The following CLASP1 variants were observed in gnomAD, a reference collection of about 807,000 sequenced individuals.
CLASP1 encodes the protein CLIP-associating protein 1.
In CLASP1, 38 loss-of-function variants were observed where a neutral mutation model predicts 192.3. The ratio of observed to expected loss-of-function variants is 0.20; its 90% CI spans 0.15 to 0.26. The LOEUF (loss-of-function observed/expected upper bound fraction) is 0.26. Among genes scored for constraint, CLASP1 ranks in the 10% least tolerant of loss-of-function variants. The pLI is 1.00. For missense variants in CLASP1, 1,433 were observed against 1,932.5 expected (o/e 0.74, Z 4.85); for synonymous variants, 691 against 712.8 (o/e 0.97, Z 0.49).
chr2:121,408,182 C>T (rs1053121188), intron 24 of CLASP1, among the ~76,000 whole-genome samples: 31 of 152,196 alleles, frequency 2.0e-4, no homozygotes, highest in African/African-American at 6.8e-4. Context: ...CAGCCCCTCC[C>T]CAGTCAAAAG....
chr2:121,538,272 C>T (rs2095142682), intron 2 of CLASP1, among the ~76,000 whole-genome samples: 1 of 151,634 alleles, frequency 6.6e-6, no homozygotes, highest in Admixed American at 6.6e-5. Context: ...ATTAGCCGGG[C>T]GTGGTGGTGC....
intron 37 of CLASP1, 95 bp downstream of exon 38, chr2:121,363,077 T>C (rs763356841): frequency 4.0e-6 from 6 of 1,488,948 alleles, no homozygotes; most frequent in Non-Finnish European, 5.5e-6. Context: ...AAGGGGCTCT[T>C]AAGCTGTGCA....
At position 121,627,193 on chromosome 2, in the gene CLASP1, C is replaced by G. The variant is rs377106094; in HGVS notation, c.-285-21013G>C. 2.0e-5 allele frequency among the ~76,000 whole-genome samples: 3 copies of G among 152,142 alleles called. No homozygotes were observed. In the South Asian group the frequency reaches 6.2e-4, roughly 31 times the overall value. On this transcript the variant is annotated intron_variant, in intron 1 of 39. Transcript: ENST00000263710. ...AAAAGAGGAGAAACAACAAAATATG[C>G]GTAACCATTGGGGGAAACTGGGTGA...
At chr2:121,421,874 T>A (rs1302275258) in intron 22 of CLASP1, among the ~76,000 whole-genome samples, 1 of 152,208 alleles carries the variant, frequency 6.6e-6, no homozygotes, top group Non-Finnish European at 1.5e-5. Context: ...TTTTTATAAA[T>A]GAATTAATTA....
intron 8 of CLASP1, among the ~76,000 whole-genome samples, chr2:121,474,243 A>C (rs2091267303): frequency 6.6e-6 from 1 of 152,148 alleles, no homozygotes; most frequent in Non-Finnish European, 1.5e-5. Context: ...CACACACAAA[A>C]CTATACAGGA....
chr2:121,378,387 A>T (rs1271217898), intron 33 of CLASP1, among the ~76,000 whole-genome samples: 1 of 152,214 alleles, frequency 6.6e-6, no homozygotes, highest in African/African-American at 2.4e-5. Context: ...TTGTTCACAG[A>T]AAAGTGTTAT....
intron 38 of CLASP1, among the ~76,000 whole-genome samples, chr2:121,348,282 T>A (rs2149124909): frequency 6.6e-6 from 1 of 152,256 alleles, no homozygotes; most frequent in Non-Finnish European, 1.5e-5. Context: ...AAACAGAAAG[T>A]TCATTCTGTG....
intron 7 of CLASP1, among the ~76,000 whole-genome samples, chr2:121,506,881 T>TA (rs942366184): frequency 2.7e-4 from 41 of 152,220 alleles, no homozygotes; most frequent in African/African-American, 9.9e-4. Flanking sequence ...ACAAAGACTT[T>TA]AAGGAATTCT....
chr2:121,531,547 G>C (rs2094880568), intron 2 of CLASP1, among the ~76,000 whole-genome samples: 2 of 142,360 alleles, frequency 1.4e-5, no homozygotes, highest in Non-Finnish European at 1.5e-5. Context: ...AGTGAGCAGA[G>C]ATCGCGCCAC....
At chr2:121,453,792 A>T (rs969769960) in intron 14 of CLASP1, among the ~76,000 whole-genome samples, 2 of 152,228 alleles carry the variant, frequency 1.3e-5, no homozygotes, top group Non-Finnish European at 2.9e-5. Flanking sequence ...TTAATGTCAG[A>T]GTGTGTGTAA....
intron 37 of CLASP1, among the ~76,000 whole-genome samples, chr2:121,362,868 G>A (rs570182354): frequency 6.6e-6 from 1 of 152,322 alleles, no homozygotes; most frequent in African/African-American, 2.4e-5. Context: ...GAAAGCAGCA[G>A]CAGACCCTTC....
At chr2:121,549,776 C>T (rs185211606) in intron 2 of CLASP1, among the ~76,000 whole-genome samples, 166 of 148,456 alleles carry the variant, frequency 1.1e-3, no homozygotes, top group African/African-American at 4.1e-3. Context: ...GAGGCAGAGG[C>T]GGGCAGATCA....
In CLASP1 at chr2:121,540,529, C is replaced by G. The variant is rs531983092; in HGVS notation, c.196-10204G>C. 1.2e-4 allele frequency among the ~76,000 whole-genome samples: 18 copies of G among 152,190 alleles called. No individual in the cohort carries two copies. In the South Asian group the frequency reaches 3.7e-3, roughly 32 times the overall value. On this transcript the variant is annotated intron_variant, in intron 2 of 39. Coordinates refer to ENST00000263710, the Ensembl canonical transcript of CLASP1. Reference sequence around the variant, plus strand: ...CATGGCCAGGCATGGTGGTTCACACCTGTAATCTCAGCACTTTGGGAGGCT... The same window carrying G: ...CATGGCCAGGCATGGTGGTTCACACGTGTAATCTCAGCACTTTGGGAGGCT...
chr2:121,362,566 CAG>C (rs1381558707), intron 37 of CLASP1, among the ~76,000 whole-genome samples: 1 of 152,210 alleles, frequency 6.6e-6, no homozygotes, highest in East Asian at 1.9e-4. Flanking sequence ...CCTCATCTTG[CAG>C]AGAGAAGCAC....
At position 121,425,152 on chromosome 2, in the gene CLASP1, G is replaced by A. The variant is rs376023316; in HGVS notation, c.2199C>T (p.Asn733=). 5 of 1,611,266 alleles carry A rather than the reference G, an allele frequency of 3.1e-6. No individual in the cohort carries two copies. The African/African-American group carries it at 6.7e-5, about 22-fold the overall frequency. Residue 733 remains asparagine, a synonymous_variant, in exon 22 of 40, where the codon AAC becomes AAT. Transcript: ENST00000263710. ...GAGAATCCTTACCTAATCCTATTCG[G>A]TTTGGACTTGTTTCCCGGCTACATC...
At chr2:121,478,810 ACC>A (rs2092131514) in intron 8 of CLASP1, among the ~76,000 whole-genome samples, 2 of 22,888 alleles carry the variant, frequency 8.7e-5, no homozygotes, top group African/African-American at 1.7e-4. Context: ...CCACACACAC[ACC>A]CCACACACAA....
intron 32 of CLASP1, among the ~76,000 whole-genome samples, chr2:121,386,885 T>A (rs941024650): frequency 6.6e-6 from 1 of 152,212 alleles, no homozygotes; most frequent in East Asian, 1.9e-4. Flanking sequence ...CTAGTGAGTG[T>A]TTAGAGCTAC....
chr2:121,630,520 C>A (rs1173532769), intron 1 of CLASP1, among the ~76,000 whole-genome samples: 6 of 151,978 alleles, frequency 3.9e-5, no homozygotes, highest in Admixed American at 3.9e-4. Context: ...CTTATTCCTG[C>A]CTCGTCCAGT....
chr2:121,588,077 G>A (rs1358689242), intron 2 of CLASP1, among the ~76,000 whole-genome samples: 1 of 150,552 alleles, frequency 6.6e-6, no homozygotes, highest in African/African-American at 2.5e-5. Flanking sequence ...AGGAGGTTGA[G>A]GCAGGAGAAT....
Sources: gnomAD v4.1 joint callset for allele counts (sites outside exome capture counted in the v4.1 genomes callset) on GRCh38, gnomAD v4.1.1 for gene constraint, MANE v1.5 for transcripts, NCBI Gene and HGNC (gene_info 2026-07-23, HGNC 2026-07-21) for gene names.